PCDH19: variants seen among roughly 807,000 people sequenced by gnomAD.
PCDH19 encodes the protein protocadherin-19.
A neutral mutation model predicts 46.2 loss-of-function variants in PCDH19; 6 were observed. That is an observed-to-expected ratio of 0.13 (90% CI 0.07 to 0.26). The LOEUF is 0.26. Ranked by LOEUF, PCDH19 falls within the 10% of genes least tolerant of loss-of-function variation. The probability of loss-of-function intolerance (pLI) is 1.00; values close to 1 mark genes in which losing one functional copy is unlikely to be tolerated. For missense variants in PCDH19, 740 were observed against 972.3 expected (o/e 0.76, Z 3.18); for synonymous variants, 481 against 415.7 (o/e 1.16, Z -1.91).
intron 3 of PCDH19, among the ~76,000 whole-genome samples, chrX:100,380,346 C>T (rs1017937353): frequency 9.0e-6 from 1 of 111,649 alleles, no homozygotes; most frequent in African/African-American, 3.3e-5. Flanking sequence ...TTCCCCCAGA[C>T]TAGGTTGAGT....
At chrX:100,322,865 A>ATATATATATTTTTTTTTTTT in intron 5 of PCDH19, among the ~76,000 whole-genome samples, 2 of 54,408 alleles carry the variant, frequency 3.7e-5, no homozygotes, top group African/African-American at 1.7e-4. Flanking sequence ...ATATATATAT[A>ATATATATATTTTTTTTTTTT]TTTTTGCAGC....
intron 3 of PCDH19, among the ~76,000 whole-genome samples, chrX:100,378,552 C>T (rs1039858209): frequency 8.9e-6 from 1 of 112,167 alleles, no homozygotes; most frequent in Non-Finnish European, 1.9e-5. Flanking sequence ...TAAACCTTGC[C>T]TGTTCTTCAT....
chrX:100,339,012 A>G (rs1926177814), intron 5 of PCDH19, among the ~76,000 whole-genome samples: 1 of 112,344 alleles, frequency 8.9e-6, no homozygotes, highest in Non-Finnish European at 1.9e-5. Flanking sequence ...AGTCACAGAG[A>G]GAACTACAGA....
intron 5 of PCDH19, among the ~76,000 whole-genome samples, chrX:100,335,513 A>G (rs1264213384): frequency 8.9e-6 from 1 of 112,152 alleles, no homozygotes; most frequent in Non-Finnish European, 1.9e-5. Flanking sequence ...TTCCCATTGA[A>G]AATAAGATCT....
intron 3 of PCDH19, among the ~76,000 whole-genome samples, chrX:100,393,817 T>C (rs905563500): frequency 9.0e-6 from 1 of 111,556 alleles, no homozygotes; most frequent in Non-Finnish European, 1.9e-5. Context: ...AGAGACTTAA[T>C]GGAGCATCAG....
intron 4 of PCDH19, among the ~76,000 whole-genome samples, chrX:100,349,817 T>C (rs1384029245): frequency 8.9e-6 from 1 of 112,237 alleles, no homozygotes. Flanking sequence ...GTGCAAGAGG[T>C]TCTCTTCTTT....
intron 5 of PCDH19, among the ~76,000 whole-genome samples, chrX:100,322,833 G>GTATATATATATATATATATATATATATA (rs60720039): frequency 2.0e-5 from 1 of 48,793 alleles, no homozygotes; most frequent in African/African-American, 1.3e-4. Flanking sequence ...ATATTCCTAA[G>GTATATATATATATATATATATATATATA]TATATATATA....
intron 3 of PCDH19, among the ~76,000 whole-genome samples, chrX:100,364,011 CT>C (rs1300812799): frequency 9.1e-6 from 1 of 110,229 alleles, no homozygotes; most frequent in African/African-American, 3.3e-5. Context: ...CTTTTATAAA[CT>C]AGTTTTCTTC....
At chrX:100,307,673 G>C (rs1213079979) in intron 5 of PCDH19, among the ~76,000 whole-genome samples, 1 of 111,082 alleles carries the variant, frequency 9.0e-6, no homozygotes, top group East Asian at 2.8e-4. Flanking sequence ...AAAGCTCCTA[G>C]ATCTGGTAAA....
intron 5 of PCDH19, among the ~76,000 whole-genome samples, chrX:100,297,547 C>G (rs189518990): frequency 8.9e-6 from 1 of 111,812 alleles, no homozygotes; most frequent in South Asian, 3.8e-4. Flanking sequence ...ATTGGCCCTA[C>G]GCAAACATCA....
intron 4 of PCDH19, among the ~76,000 whole-genome samples, chrX:100,349,138 G>C (rs1286187134): frequency 3.6e-5 from 4 of 111,375 alleles, no homozygotes; most frequent in African/African-American, 1.3e-4. Flanking sequence ...CGAGGGACCT[G>C]TGAGGGTAAG....
At chrX:100,359,490 G>C (rs72615546) in intron 3 of PCDH19, among the ~76,000 whole-genome samples, 5,117 of 111,552 alleles carry the variant, frequency 0.046, 254 homozygotes, top group East Asian at 0.25. Context: ...ATTGTTAGAA[G>C]GTGACCTAAG....
chrX:100,372,329 G>A (rs1420318518), intron 3 of PCDH19, among the ~76,000 whole-genome samples: 1 of 112,023 alleles, frequency 8.9e-6, no homozygotes, highest in Non-Finnish European at 1.9e-5. Context: ...TAGTAGGACA[G>A]GGACACCTGG....
intron 3 of PCDH19, among the ~76,000 whole-genome samples, chrX:100,375,401 C>T (rs1927344911): frequency 8.9e-6 from 1 of 111,880 alleles, no homozygotes; most frequent in Non-Finnish European, 1.9e-5. Context: ...CAGCTTCATC[C>T]ATGTCCCTAC....
At chrX:100,308,329 T>C (rs758501684) in intron 5 of PCDH19, among the ~76,000 whole-genome samples, 10 of 111,075 alleles carry the variant, frequency 9.0e-5, no homozygotes, top group Admixed American at 2.9e-4. Flanking sequence ...CATTGACAAG[T>C]CACACTTAGA....
At chrX:100,347,797 T>C (rs760906668) in intron 4 of PCDH19, among the ~76,000 whole-genome samples, 4 of 109,413 alleles carry the variant, frequency 3.7e-5, no homozygotes, top group Non-Finnish European at 7.6e-5. Context: ...GCACGGTGGC[T>C]CACACCTGTA....
At chrX:100,362,796 C>CAA (rs60237066) in intron 3 of PCDH19, among the ~76,000 whole-genome samples, 1 of 43,592 alleles carries the variant, frequency 2.3e-5, no homozygotes. Flanking sequence ...GACTCCGATT[C>CAA]AAAAAAAAAA....
At chrX:100,324,537 G>A (rs1292537737) in intron 5 of PCDH19, among the ~76,000 whole-genome samples, 3 of 111,812 alleles carry the variant, frequency 2.7e-5, no homozygotes, top group Non-Finnish European at 5.6e-5. Context: ...CTCAGAAGTT[G>A]AAATGTCTTA....
intron 1 of PCDH19, among the ~76,000 whole-genome samples, chrX:100,405,201 G>A (rs942703742): frequency 1.8e-5 from 2 of 112,212 alleles, no homozygotes; most frequent in African/African-American, 6.5e-5. Context: ...TGAACCTACA[G>A]GAACATATTT....
Sources: allele counts gnomAD v4.1 joint callset (sites outside exome capture counted in the v4.1 genomes callset), GRCh38; gene constraint gnomAD v4.1.1; transcripts MANE v1.5; gene names NCBI Gene and HGNC (gene_info 2026-07-23, HGNC 2026-07-21).